DSCAML1: variants seen among roughly 807,000 people sequenced by gnomAD.
DSCAML1 encodes DS cell adhesion molecule like 1.
A neutral mutation model predicts 200.5 loss-of-function variants in DSCAML1; 38 were observed. The observed-to-expected ratio is 0.19, with a 90% CI of 0.15 to 0.25. DSCAML1 has a LOEUF of 0.25. Among genes scored for constraint, DSCAML1 ranks in the 10% least tolerant of loss-of-function variants. The pLI is 1.00. For missense variants in DSCAML1, 2,223 were observed against 2,858.8 expected (o/e 0.78, Z 5.07); for synonymous variants, 1,215 against 1,165.0 (o/e 1.04, Z -0.87).
intron 3 of DSCAML1, among the ~76,000 whole-genome samples, chr11:117,758,953 T>C (rs1565267199): frequency 6.6e-6 from 1 of 152,154 alleles, no homozygotes; most frequent in Non-Finnish European, 1.5e-5. Context: ...AGATCGTCTG[T>C]TACATGCCTA....
chr11:117,767,937 T>G (rs994180464), intron 3 of DSCAML1, among the ~76,000 whole-genome samples: 7 of 152,164 alleles, frequency 4.6e-5, no homozygotes, highest in African/African-American at 1.7e-4. Flanking sequence ...CATACACTTA[T>G]GGACTCATAC....
intron 14 of DSCAML1, among the ~76,000 whole-genome samples, chr11:117,479,531 T>G (rs1370115599): frequency 6.6e-6 from 1 of 152,174 alleles, no homozygotes; most frequent in East Asian, 1.9e-4. Context: ...CACCTGACCA[T>G]GGGACTTACC....
At chr11:117,676,560 C>T (rs1349546363) in intron 3 of DSCAML1, among the ~76,000 whole-genome samples, 3 of 152,210 alleles carry the variant, frequency 2.0e-5, no homozygotes, top group Non-Finnish European at 4.4e-5. Context: ...ACTGCACAGA[C>T]GGGGTGCTCC....
At chr11:117,537,171 G>A (rs963178396) in intron 3 of DSCAML1, among the ~76,000 whole-genome samples, 1 of 152,086 alleles carries the variant, frequency 6.6e-6, no homozygotes, top group Non-Finnish European at 1.5e-5. Context: ...CTGCCTGGTC[G>A]CTTCTGTCAA....
In DSCAML1 at chr11:117,599,017, T is replaced by C. The variant is rs533240966; in HGVS notation, c.512-66495A>G. ...CTAATGCAGCGGAATTACAGAATTA[T>C]CACAGTAATACGGATCTCAACACCA... On this transcript the variant is annotated intron_variant, in intron 3 of 32. Coordinates refer to ENST00000651296, the MANE Select transcript of DSCAML1 (RefSeq NM_020693.4). 1.4e-4 allele frequency among the ~76,000 whole-genome samples: 22 copies of C among 152,338 alleles called. No homozygotes were observed. In the East Asian group the frequency reaches 4.2e-3, roughly 29 times the overall value.
intron 3 of DSCAML1, among the ~76,000 whole-genome samples, chr11:117,671,838 G>A (rs779972271): frequency 1.3e-5 from 2 of 152,044 alleles, no homozygotes; most frequent in Non-Finnish European, 2.9e-5. Context: ...TGGGGCCGGC[G>A]CGGTGGCTCA....
intron 3 of DSCAML1, among the ~76,000 whole-genome samples, chr11:117,598,622 A>G (rs1472150317): frequency 3.9e-5 from 6 of 152,158 alleles, no homozygotes; most frequent in African/African-American, 1.2e-4. Context: ...GATCTCTTTT[A>G]TTCCCCAAAC....
At chr11:117,577,378 TTCC>T (rs1302038746) in intron 3 of DSCAML1, among the ~76,000 whole-genome samples, 1 of 143,690 alleles carries the variant, frequency 7.0e-6, no homozygotes, top group Non-Finnish European at 1.6e-5. Context: ...CAAGTAAGAT[TTCC>T]TTCCTTCCTC....
At chr11:117,786,202 G>A (rs555239407) in intron 1 of DSCAML1, among the ~76,000 whole-genome samples, 44 of 152,324 alleles carry the variant, frequency 2.9e-4, no homozygotes, top group Middle Eastern at 6.8e-3. Flanking sequence ...CAACAGCAAG[G>A]CTTCTTCTGG....
chr11:117,466,008 G>A (rs927573486), intron 16 of DSCAML1, among the ~76,000 whole-genome samples: 1 of 152,170 alleles, frequency 6.6e-6, no homozygotes, highest in Non-Finnish European at 1.5e-5. Flanking sequence ...ATGGAAAGAG[G>A]CACCGCTACC....
In DSCAML1 at chr11:117,430,684, C is replaced by T. The variant is rs776181807; in HGVS notation, c.5686+38G>A. The stretch of plus-strand genomic sequence containing the variant: ...GGCTCATGGGGCTGGGGCCAGGGGG[C>T]GGGGGGGCACTGCCTGGGAGGTGGT... On this transcript the variant is annotated intron_variant, in intron 32 of 32. Transcript: ENST00000651296. 67 of 1,431,734 alleles carry T rather than the reference C, an allele frequency of 4.7e-5. 1 individual carries two copies. The Admixed American group carries it at 5.8e-4, about 12-fold the overall frequency. 88.7% of individuals were successfully genotyped at this position (1,431,734 alleles called of 1,614,324 possible).
At chr11:117,564,721 TC>T (rs2050725309) in intron 3 of DSCAML1, among the ~76,000 whole-genome samples, 1 of 150,860 alleles carries the variant, frequency 6.6e-6, no homozygotes, top group Non-Finnish European at 1.5e-5. Flanking sequence ...TTCTTTCCTT[TC>T]CTTCCTTCTT....
chr11:117,446,481 CTT>C (rs1417681749), intron 20 of DSCAML1, among the ~76,000 whole-genome samples: 3 of 152,168 alleles, frequency 2.0e-5, no homozygotes, highest in African/African-American at 7.2e-5. Context: ...GTAAAGAACA[CTT>C]ATAAATCAAT....
At chr11:117,612,449 C>T (rs766588358) in intron 3 of DSCAML1, among the ~76,000 whole-genome samples, 2 of 152,186 alleles carry the variant, frequency 1.3e-5, no homozygotes, top group Non-Finnish European at 2.9e-5. Flanking sequence ...CCCCTACCCC[C>T]GCCCCTAACA....
At chr11:117,462,041 G>C (rs1245351674) in intron 17 of DSCAML1, among the ~76,000 whole-genome samples, 1 of 152,188 alleles carries the variant, frequency 6.6e-6, no homozygotes, top group Non-Finnish European at 1.5e-5. Flanking sequence ...CAGCCCCTCT[G>C]TGTCGTCTGA....
intron 3 of DSCAML1, among the ~76,000 whole-genome samples, chr11:117,754,608 G>A (rs562219910): frequency 2.0e-5 from 3 of 152,232 alleles, no homozygotes; most frequent in African/African-American, 7.2e-5. Flanking sequence ...GCAAGGATTT[G>A]AAAGCTAATG....
intron 4 of DSCAML1, among the ~76,000 whole-genome samples, chr11:117,531,404 G>T (rs1447856106): frequency 6.6e-6 from 1 of 152,062 alleles, no homozygotes; most frequent in Non-Finnish European, 1.5e-5. Context: ...ACAAATGAGG[G>T]AATCCCAGAT....
intron 3 of DSCAML1, among the ~76,000 whole-genome samples, chr11:117,570,208 A>G (rs1424066150): frequency 6.6e-6 from 1 of 151,920 alleles, no homozygotes; most frequent in Non-Finnish European, 1.5e-5. Flanking sequence ...CCTGGAGATG[A>G]TGGGGTAGTT....
At chr11:117,460,783 G>A (rs10892119) in intron 18 of DSCAML1, among the ~76,000 whole-genome samples, 38,983 of 152,036 alleles carry the variant, frequency 0.26, 5,110 homozygotes, top group Non-Finnish European at 0.29. Context: ...GCACCTCTCT[G>A]CCCTTCTCTG....
Sources: gnomAD v4.1 joint callset for allele counts (sites outside exome capture counted in the v4.1 genomes callset) on GRCh38, gnomAD v4.1.1 for gene constraint, MANE v1.5 for transcripts, NCBI Gene and HGNC (gene_info 2026-07-23, HGNC 2026-07-21) for gene names.